POU2F1: variants seen among roughly 807,000 people sequenced by gnomAD.
The protein encoded by POU2F1 is POU class 2 homeobox 1.
POU2F1 carries 16 observed loss-of-function variants against 84.9 expected under a neutral mutation model. The observed-to-expected ratio is 0.19, with a 90% CI of 0.13 to 0.29. The LOEUF (loss-of-function observed/expected upper bound fraction) is 0.29. POU2F1 is among the 10% of genes least tolerant of loss of function. The pLI, the probability that POU2F1 is intolerant of heterozygous loss-of-function variation, is 1.00. For synonymous variants in POU2F1, 368 were observed against 368.3 expected (o/e 1.00, Z 0.01); for missense variants, 738 against 942.6 (o/e 0.78, Z 2.84).
chr1:167,271,052 G>A (rs984148488), intron 1 of POU2F1, among the ~76,000 whole-genome samples: 11 of 152,158 alleles, frequency 7.2e-5, no homozygotes, highest in African/African-American at 2.7e-4. Flanking sequence ...CAAATATTGT[G>A]AAAAGTTGAA....
intron 1 of POU2F1, among the ~76,000 whole-genome samples, chr1:167,250,806 TG>T (rs1385670699): frequency 2.0e-5 from 3 of 152,210 alleles, no homozygotes; most frequent in Non-Finnish European, 4.4e-5. Context: ...TTTTTAAAAA[TG>T]GATTTTAATA....
In POU2F1 at chr1:167,372,043, G is replaced by A. The variant is rs989658049; in HGVS notation, c.402+7G>A. ...TGGAGGACAGATAACTGGGGTAAGT[G>A]TTCACTGAGAGAATTATAACAAACT... On this transcript the variant is annotated splice_region_variant and intron_variant, in intron 5 of 15. Transcript: ENST00000367866. The A allele has an allele frequency of 5.0e-6, 8 of 1,606,350 alleles. No individual in the cohort carries two copies. The highest frequency in any genetic ancestry group is 6.8e-6 in the Non-Finnish European group (8 of 1,176,704).
At chr1:167,277,319 C>T (rs939751347) in intron 1 of POU2F1, among the ~76,000 whole-genome samples, 2 of 151,934 alleles carry the variant, frequency 1.3e-5, no homozygotes, top group Admixed American at 6.6e-5. Context: ...TCACTGCAAC[C>T]TCACACTCCT....
intron 7 of POU2F1, among the ~76,000 whole-genome samples, chr1:167,381,627 T>C (rs915923743): frequency 1.1e-5 from 1 of 91,974 alleles, no homozygotes; most frequent in African/African-American, 3.7e-5. Context: ...TTTTTTTTTT[T>C]TGAGACAGAG....
intron 7 of POU2F1, among the ~76,000 whole-genome samples, chr1:167,382,741 G>C (rs560016265): frequency 1.8e-4 from 27 of 152,128 alleles, no homozygotes; most frequent in African/African-American, 6.5e-4. Context: ...TATTTCACTT[G>C]TCCCAGATCA....
chr1:167,275,514 A>C (rs1652668206), intron 1 of POU2F1, among the ~76,000 whole-genome samples: 1 of 152,194 alleles, frequency 6.6e-6, no homozygotes, highest in Non-Finnish European at 1.5e-5. Context: ...ATGGGGCCAA[A>C]TACTGTGTCT....
chr1:167,379,374 G>A (rs778092845), intron 7 of POU2F1: 1 of 152,198 alleles, frequency 6.6e-6, no homozygotes, highest in Admixed American at 6.5e-5. Context: ...AACTTGGGTA[G>A]GGAAAATTGG....
At chr1:167,281,646 G>A (rs1653147799) in intron 1 of POU2F1, among the ~76,000 whole-genome samples, 1 of 152,188 alleles carries the variant, frequency 6.6e-6, no homozygotes, top group Non-Finnish European at 1.5e-5. Flanking sequence ...ACATTTGATT[G>A]GCCAAAACTC....
chr1:167,272,667 C>T (rs1434304873), intron 1 of POU2F1, among the ~76,000 whole-genome samples: 1 of 152,120 alleles, frequency 6.6e-6, no homozygotes, highest in African/African-American at 2.4e-5. Context: ...TGAGAACTCA[C>T]TATTACAAGA....
chr1:167,320,028 C>A (rs1306203218), intron 1 of POU2F1, among the ~76,000 whole-genome samples: 1 of 152,178 alleles, frequency 6.6e-6, no homozygotes, highest in Non-Finnish European at 1.5e-5. Flanking sequence ...TGATTCCCTG[C>A]AGTCAAAGGT....
intron 1 of POU2F1, among the ~76,000 whole-genome samples, chr1:167,299,731 C>T (rs968552141): frequency 1.4e-5 from 2 of 139,618 alleles, no homozygotes; most frequent in East Asian, 3.9e-4. Context: ...TGCTGTTCCT[C>T]ACCTAGTTCC....
rs1005368976 is a variant in POU2F1 at position 167,421,773 on chromosome 1, A to G, written c.*5963A>G. On this transcript the variant is annotated 3_prime_UTR_variant, in exon 16 of 16. Transcript: ENST00000367866. ...AACTAAAAACCAAATAAATAAGTGA[A>G]AAAATTTTATAAATAGTGGAAATAA... 2 of 152,174 alleles carry G rather than the reference A, an allele frequency of 1.3e-5. No homozygotes were observed. The highest frequency in any genetic ancestry group is 2.9e-5 in the Non-Finnish European group (2 of 68,046). The allele number at this position is 152,174 out of a possible 1,614,324, so 9.4% of individuals were successfully genotyped here. A position where few individuals can be genotyped will look rare whatever the true frequency, so the allele number is the denominator to read the frequency against.
chr1:167,232,283 G>A (rs1443683225), intron 1 of POU2F1, among the ~76,000 whole-genome samples: 1 of 152,158 alleles, frequency 6.6e-6, no homozygotes, highest in African/African-American at 2.4e-5. Context: ...GTATACAATG[G>A]CAGTCCCATA....
chr1:167,311,803 TA>T (rs1205185172), intron 1 of POU2F1, among the ~76,000 whole-genome samples: 11 of 150,968 alleles, frequency 7.3e-5, no homozygotes, highest in African/African-American at 2.4e-4. Flanking sequence ...TTTATTTATT[TA>T]TTTATTTTTT....
rs1309098897 is a variant in POU2F1 at position 167,412,036 on chromosome 1, C to T, written c.1633C>T (p.Pro545Ser). 3.1e-6 allele frequency: 5 copies of T among 1,614,086 alleles called. No individual in the cohort carries two copies. The African/African-American group carries it at 5.3e-5, about 17-fold the overall frequency. ...APPASSAVTSPSLSPSPSASA... is the reference protein window; with the variant it reads ...APPASSAVTSSSLSPSPSASA... ...TCCAGCTTCCTCAGCAGTCACGTCC[C>T]CCTCTCTGAGTCCCTCCCCTTCTGC... The change falls in exon 14 of 16, where the codon CCC (proline) becomes TCC (serine). Residue 545 changes from proline (P) to serine (S), a missense_variant. Around this residue, in one of 4 missense-constraint regions of POU2F1, gnomAD observed 319 missense variants for 386.0 expected, o/e 0.83. Transcript: ENST00000367866.
chr1:167,302,177 T>C lies in POU2F1; in HGVS notation c.62-30293T>C, dbSNP rs541790242. Among the ~76,000 whole-genome samples the C allele has an allele frequency of 4.3e-4, 65 of 152,132 alleles. No homozygotes were observed. The South Asian group carries it at 5.2e-3, about 12-fold the overall frequency. The stretch of plus-strand genomic sequence containing the variant: ...ACCTCCACCTCCTGGGTTCAAGCGA[T>C]TCTCCTGCCTCAGCCTCAGCCTCAG... On this transcript the variant is annotated intron_variant, in intron 1 of 15. Transcript: ENST00000367866.
At chr1:167,247,764 G>A (rs983228206) in intron 1 of POU2F1, among the ~76,000 whole-genome samples, 3 of 152,078 alleles carry the variant, frequency 2.0e-5, no homozygotes, top group African/African-American at 4.8e-5. Context: ...GCTTTTCTAC[G>A]TGTTTTACAT....
At chr1:167,372,849 T>C (rs1392028925) in intron 5 of POU2F1, among the ~76,000 whole-genome samples, 1 of 152,148 alleles carries the variant, frequency 6.6e-6, no homozygotes, top group African/African-American at 2.4e-5. Context: ...TTTGTGGGGG[T>C]TGGTTTAGGG....
chr1:167,323,622 T>C lies in POU2F1; in HGVS notation c.62-8848T>C, dbSNP rs75808391. On this transcript the variant is annotated intron_variant, in intron 1 of 15. Transcript: ENST00000367866. ...GTCTACCAGTTGAGTTGTAAAGTTATTAAGAACCATTTACTTGTTTGTGCT... is the reference window on the plus strand; with the variant it reads ...GTCTACCAGTTGAGTTGTAAAGTTACTAAGAACCATTTACTTGTTTGTGCT... Among the ~76,000 whole-genome samples, 136 of 152,306 alleles carry C rather than the reference T, an allele frequency of 8.9e-4. 1 individual carries two copies. The highest frequency in any genetic ancestry group is 7.7e-4 in the East Asian group (4 of 5,186).
Sources: allele counts gnomAD v4.1 joint callset (sites outside exome capture counted in the v4.1 genomes callset), GRCh38; gene constraint gnomAD v4.1.1; regional missense constraint gnomAD v4.1.1; transcripts MANE v1.5; gene names NCBI Gene and HGNC (gene_info 2026-07-23, HGNC 2026-07-21).